CAMTA1: variants seen among roughly 807,000 people sequenced by gnomAD.
The protein encoded by CAMTA1 is calmodulin binding transcription activator 1.
CAMTA1 carries 27 observed loss-of-function variants against 170.9 expected under a neutral mutation model. That is an observed-to-expected ratio of 0.16 (90% CI 0.12 to 0.22). The LOEUF is 0.22. CAMTA1 is among the 10% of genes least tolerant of loss of function. The pLI is 1.00. For synonymous variants in CAMTA1, 833 were observed against 891.5 expected (o/e 0.93, Z 1.17); for missense variants, 1,619 against 2,217.2 (o/e 0.73, Z 5.42).
intron 3 of CAMTA1, among the ~76,000 whole-genome samples, chr1:6,926,326 CCCTCT>C (rs781355292): frequency 2.7e-5 from 4 of 149,818 alleles, no homozygotes; most frequent in South Asian, 2.2e-4. Flanking sequence ...CCCTCCCCTC[CCCTCT>C]CCTCTCCTTT....
intron 6 of CAMTA1, among the ~76,000 whole-genome samples, chr1:7,478,806 A>G (rs1235598163): frequency 6.6e-6 from 1 of 152,224 alleles, no homozygotes; most frequent in African/African-American, 2.4e-5. Context: ...TAGATGGCTT[A>G]TAATATGGGG....
chr1:7,637,346 C>T (rs771634861), intron 6 of CAMTA1, among the ~76,000 whole-genome samples: 5 of 152,230 alleles, frequency 3.3e-5, no homozygotes, highest in Non-Finnish European at 5.9e-5. Flanking sequence ...CAGCCCTGGG[C>T]GGCCTGCTGG....
intron 11 of CAMTA1, among the ~76,000 whole-genome samples, chr1:7,724,432 T>C (rs1459961532): frequency 6.6e-6 from 1 of 152,154 alleles, no homozygotes; most frequent in East Asian, 1.9e-4. Context: ...AAATCTAAAA[T>C]TACTCGAAAA....
At chr1:7,602,818 C>G (rs2095457579) in intron 6 of CAMTA1, among the ~76,000 whole-genome samples, 1 of 152,114 alleles carries the variant, frequency 6.6e-6, no homozygotes, top group South Asian at 2.1e-4. Context: ...CCTCTACACA[C>G]TGCTTTGAAT....
intron 1 of CAMTA1, among the ~76,000 whole-genome samples, chr1:6,789,715 T>C (rs557858356): frequency 1.3e-5 from 2 of 152,226 alleles, no homozygotes; most frequent in South Asian, 2.1e-4. Flanking sequence ...GCTTCTGTTA[T>C]GTACAAGGAG....
Position 7,768,840 on chromosome 1 carries a change from A to C in CAMTA1, c.*2349A>C, listed in dbSNP as rs894257281. On this transcript the variant is annotated 3_prime_UTR_variant, in exon 23 of 23. Coordinates refer to ENST00000303635, the MANE Select transcript of CAMTA1 (RefSeq NM_015215.4). ...ATAGGAGGACACTGAGTAATTTACA[A>C]ACACAACTGCATTCATAAATGGGAA... 1.3e-5 allele frequency: 2 copies of C among 152,478 alleles called. No individual in the cohort carries two copies. Among genetic ancestry groups the C allele is most frequent in the Non-Finnish European group, 2.9e-5 (2 of 68,036 alleles). 9.4% of individuals were successfully genotyped at this position (152,478 alleles called of 1,614,324 possible).
intron 1 of CAMTA1, among the ~76,000 whole-genome samples, chr1:6,815,079 G>A (rs1472195973): frequency 6.6e-6 from 1 of 151,550 alleles, no homozygotes; most frequent in Non-Finnish European, 1.5e-5. Flanking sequence ...TCTGTCCCTT[G>A]TTTTAACCTT....
At position 7,327,933 on chromosome 1, in the gene CAMTA1, T is replaced by C. The variant is rs142053966; in HGVS notation, c.438+78307T>C. ...GTTTTGCTGAATATACAGTTTCAGG[T>C]TGACAGTTCTGTTTGTTTGTTTTTT... On this transcript the variant is annotated intron_variant, in intron 5 of 22. Coordinates refer to ENST00000303635, the MANE Select transcript of CAMTA1 (RefSeq NM_015215.4). 2.1e-3 allele frequency among the ~76,000 whole-genome samples: 318 copies of C among 152,322 alleles called. 1 individual carries two copies. Among genetic ancestry groups the C allele is most frequent in the African/African-American group, 7.3e-3 (304 of 41,558 alleles).
At chr1:7,264,269 T>C (rs1314023392) in intron 5 of CAMTA1, among the ~76,000 whole-genome samples, 6 of 152,220 alleles carry the variant, frequency 3.9e-5, no homozygotes, top group Admixed American at 6.5e-5. Context: ...ATGCTGCTGG[T>C]GCCACGGATC....
At chr1:7,629,683 G>T (rs765230492) in intron 6 of CAMTA1, among the ~76,000 whole-genome samples, 1 of 152,124 alleles carries the variant, frequency 6.6e-6, no homozygotes, top group Non-Finnish European at 1.5e-5. Flanking sequence ...GGAGCTGCCT[G>T]CCCCTCCTCA....
chr1:7,728,225 G>A (rs147865741), intron 11 of CAMTA1, among the ~76,000 whole-genome samples: 3 of 152,340 alleles, frequency 2.0e-5, no homozygotes, highest in East Asian at 1.9e-4. Context: ...GGGTGACGCC[G>A]TGGGCAGGGC....
chr1:6,974,847 C>T (rs556520065), intron 3 of CAMTA1, among the ~76,000 whole-genome samples: 46 of 152,330 alleles, frequency 3.0e-4, no homozygotes, highest in African/African-American at 8.7e-4. Context: ...TGGGCTTAGA[C>T]GGCCTTTTGC....
intron 5 of CAMTA1, among the ~76,000 whole-genome samples, chr1:7,421,056 G>A (rs1254092742): frequency 1.3e-5 from 2 of 152,200 alleles, no homozygotes; most frequent in Non-Finnish European, 2.9e-5. Context: ...TGTCCTGGCT[G>A]TCTTCTGGCC....
chr1:7,452,908 T>C (rs1014124423), intron 5 of CAMTA1, among the ~76,000 whole-genome samples: 9 of 152,268 alleles, frequency 5.9e-5, no homozygotes, highest in African/African-American at 1.9e-4. Context: ...ATGCTAATCC[T>C]ATGTTTAACT....
At chr1:7,142,250 C>G in intron 4 of CAMTA1, 1 of 470,966 alleles carries the variant, frequency 2.1e-6, no homozygotes, top group Non-Finnish European at 4.2e-6. Flanking sequence ...CCAGCAGCCT[C>G]TCTGCTTTCT....
At chr1:6,840,432 G>T (rs1177798298) in intron 3 of CAMTA1, among the ~76,000 whole-genome samples, 1 of 152,144 alleles carries the variant, frequency 6.6e-6, no homozygotes. Context: ...TATTTCAGAG[G>T]TGGAGCTGTC....
rs140209164 is a variant in CAMTA1 at position 7,289,058 on chromosome 1, T to G, written c.438+39432T>G. The stretch of plus-strand genomic sequence containing the variant: ...GCAAAAAGGAATCTAGCCCTTCACA[T>G]GGCCAGAGCAGGAGGAAGAGAGGGG... On this transcript the variant is annotated intron_variant, in intron 5 of 22. Coordinates refer to ENST00000303635, the MANE Select transcript of CAMTA1 (RefSeq NM_015215.4). 9.5e-4 allele frequency among the ~76,000 whole-genome samples: 145 copies of G among 152,188 alleles called. No homozygotes were observed. In the Middle Eastern group the frequency reaches 0.021, roughly 22 times the overall value.
At chr1:6,943,715 C>T (rs10864249) in intron 3 of CAMTA1, among the ~76,000 whole-genome samples, 51,181 of 151,136 alleles carry the variant, frequency 0.34, 8,875 homozygotes, top group East Asian at 0.48. Context: ...GGTGTGATGG[C>T]GTGTGCCTGT....
chr1:7,657,538 G>A (rs370644604), intron 7 of CAMTA1, among the ~76,000 whole-genome samples: 21 of 152,294 alleles, frequency 1.4e-4, no homozygotes, highest in African/African-American at 4.1e-4. Context: ...CTTTTAACGC[G>A]GTTTCCCTTT....
Sources: gnomAD v4.1 joint callset for allele counts (sites outside exome capture counted in the v4.1 genomes callset) on GRCh38, gnomAD v4.1.1 for gene constraint, MANE v1.5 for transcripts, NCBI Gene and HGNC (gene_info 2026-07-23, HGNC 2026-07-21) for gene names.